The following ZNF345 variants were observed in gnomAD, a reference collection of about 807,000 sequenced individuals.
ZNF345 encodes the protein zinc finger protein 345, also known as zinc finger protein HZF10.
For synonymous variants in ZNF345, 166 were observed against 187.9 expected, an observed-to-expected ratio of 0.88 and a Z score of 0.95; for missense variants, 527 against 589.9, an observed-to-expected ratio of 0.89 and a Z score of 1.10.
At chr19:36,874,477 C>A (rs143976941) in intron 2 of ZNF345, among the ~76,000 whole-genome samples, 3,198 of 128,096 alleles carry the variant, frequency 0.025, 118 homozygotes, top group African/African-American at 0.074. Flanking sequence ...CTGGGTGACA[C>A]GAGTGAAACT....
Position 36,872,027 on chromosome 19 carries a change from A to C in ZNF345, c.-46-4758A>C, listed in dbSNP as rs755958875. On this transcript the variant is annotated intron_variant, in intron 2 of 2. Coordinates refer to ENST00000420450, the MANE Select transcript of ZNF345 (RefSeq NM_001242472.2). ...GGTGATCTGCCCAACTTGGCCTCCC[A>C]AAGTGCTGGGATTACAGGCATGAGT... Among the ~76,000 whole-genome samples, 3 of 152,116 alleles carry C rather than the reference A, an allele frequency of 2.0e-5. No individual in the cohort carries two copies. In the East Asian group the frequency reaches 5.8e-4, roughly 29 times the overall value.
At chr19:36,891,241 C>G (rs1050311434) in intron 3 of ZNF345, 2 of 397,812 alleles carry the variant, frequency 5.0e-6, no homozygotes, top group Admixed American at 8.1e-5. Flanking sequence ...TAGAACAGAT[C>G]CTCAGAGTCC....
intron 2 of ZNF345, among the ~76,000 whole-genome samples, chr19:36,862,107 C>T (rs1568353111): frequency 1.4e-5 from 2 of 140,976 alleles, no homozygotes; most frequent in East Asian, 4.4e-4. Flanking sequence ...GTGATCTGCC[C>T]GCCTCAGCCT....
chr19:36,874,156 GATTATATCTTTTT>G (rs2072830053), intron 2 of ZNF345, among the ~76,000 whole-genome samples: 1 of 152,116 alleles, frequency 6.6e-6, no homozygotes, highest in Admixed American at 6.5e-5. Context: ...TTTTAGTTAA[GATTATATCTTTTT>G]TGATTGGTCA....
At chr19:36,881,095 A>G (rs564560653), downstream of ZNF345, among the ~76,000 whole-genome samples, 4 of 152,362 alleles carry the variant, frequency 2.6e-5, no homozygotes, top group African/African-American at 9.6e-5. Flanking sequence ...GTTCTCATAA[A>G]TAAAGGTATA....
intron 3 of ZNF345, chr19:36,891,485 CT>C: frequency 6.5e-7 from 1 of 1,531,080 alleles, no homozygotes; most frequent in Non-Finnish European, 8.7e-7. Context: ...TCTTACTTTA[CT>C]GTCATTCAAC....
At position 36,877,464 on chromosome 19, in the gene ZNF345, G is replaced by T; in HGVS notation, c.634G>T (p.Gly212Cys). The change falls in exon 3 of 3, where the codon GGC becomes TGC. Residue 212 changes from glycine (G) to cysteine (C), a missense_variant. Gly to Cys is a radical substitution (Grantham distance 159). Transcript: ENST00000420450. The part of the protein sequence containing the change: ...YECIDCGKAF[G>C]SGSNLTQHRR... The stretch of plus-strand genomic sequence containing the variant: ...ATGTATAGATTGTGGTAAAGCCTTT[G>T]GCAGTGGTTCAAACCTTACTCAACA... The T allele has an allele frequency of 6.2e-7, 1 of 1,613,814 alleles. No individual in the cohort carries two copies. The highest frequency in any genetic ancestry group is 8.5e-7 in the Non-Finnish European group (1 of 1,179,938).
At chr19:36,852,933 C>T in intron 2 of ZNF345, among the ~76,000 whole-genome samples, 1 of 143,636 alleles carries the variant, frequency 7.0e-6, no homozygotes, top group African/African-American at 2.6e-5. Context: ...AGTTGAATGT[C>T]CCCTTTTATA....
chr19:36,873,875 A>G (rs2072822276), intron 2 of ZNF345, among the ~76,000 whole-genome samples: 2 of 152,202 alleles, frequency 1.3e-5, no homozygotes, highest in Admixed American at 6.5e-5. Flanking sequence ...CTGTTCATCC[A>G]TCAGTGGGCA....
At chr19:36,865,836 C>G (rs2072648337) in intron 2 of ZNF345, among the ~76,000 whole-genome samples, 1 of 152,108 alleles carries the variant, frequency 6.6e-6, no homozygotes, top group Non-Finnish European at 1.5e-5. Flanking sequence ...GAGGAAATTA[C>G]CTTCCACTCA....
intron 3 of ZNF345, chr19:36,891,876 A>G: frequency 1.2e-6 from 2 of 1,614,064 alleles, no homozygotes; most frequent in Non-Finnish European, 1.7e-6. Flanking sequence ...AGTGTTGAGT[A>G]AAGGCTTTCC....
At chr19:36,875,376 GAT>G (rs1490336489) in intron 2 of ZNF345, among the ~76,000 whole-genome samples, 1 of 152,110 alleles carries the variant, frequency 6.6e-6, no homozygotes, top group Non-Finnish European at 1.5e-5. Flanking sequence ...AGGGGCAGTG[GAT>G]ATAGGGGGAC....
intron 2 of ZNF345, among the ~76,000 whole-genome samples, chr19:36,870,479 A>ATTCCTTGCCTTCCTGTTTCTTGGT (rs2072749895): frequency 6.6e-6 from 1 of 151,742 alleles, no homozygotes; most frequent in African/African-American, 2.4e-5. Flanking sequence ...TGTTTCTTGG[A>ATTCCTTGCCTTCCTGTTTCTTGGT]TTCCTTGCCT....
intron 2 of ZNF345, among the ~76,000 whole-genome samples, chr19:36,854,217 A>C (rs747540328): frequency 1.3e-5 from 2 of 149,142 alleles, no homozygotes; most frequent in Non-Finnish European, 2.9e-5. Context: ...TCATAGTGAT[A>C]ATTTTAGCCT....
At chr19:36,892,679 A>T (rs909453235) in intron 3 of ZNF345, 13 of 629,130 alleles carry the variant, frequency 2.1e-5, no homozygotes, top group East Asian at 1.1e-4. Flanking sequence ...CAGAAAGTAG[A>T]TGACCTCTAT....
At chr19:36,865,275 C>T (rs1211861009) in intron 2 of ZNF345, among the ~76,000 whole-genome samples, 3 of 152,082 alleles carry the variant, frequency 2.0e-5, no homozygotes, top group Non-Finnish European at 2.9e-5. Context: ...ATTTCTATAG[C>T]CCAGGTCTGC....
chr19:36,891,111 T>A (rs2073046681), intron 3 of ZNF345: 1 of 165,968 alleles, frequency 6.0e-6, no homozygotes. Flanking sequence ...ATAAAAGACA[T>A]ACACAGAGAT....
At chr19:36,855,797 C>T (rs2072406019) in intron 2 of ZNF345, among the ~76,000 whole-genome samples, 1 of 152,162 alleles carries the variant, frequency 6.6e-6, no homozygotes, top group African/African-American at 2.4e-5. Context: ...CCTATCACCT[C>T]CACTGTGCTG....
intron 2 of ZNF345, among the ~76,000 whole-genome samples, chr19:36,868,344 T>C (rs967869634): frequency 2.0e-5 from 3 of 152,064 alleles, no homozygotes; most frequent in Non-Finnish European, 4.4e-5. Flanking sequence ...TCCAGTTGTC[T>C]CAATACCATT....
Sources: allele counts gnomAD v4.1 joint callset (sites outside exome capture counted in the v4.1 genomes callset), GRCh38; gene constraint gnomAD v4.1.1; transcripts MANE v1.5; gene names NCBI Gene and HGNC (gene_info 2026-07-23, HGNC 2026-07-21).